TENT4B: variants seen among roughly 807,000 people sequenced by gnomAD.
The protein encoded by TENT4B is PAP associated domain containing 5.
Under a neutral mutation model 75.0 loss-of-function variants are expected in TENT4B, and 10 were observed. The ratio of observed to expected loss-of-function variants is 0.13; its 90% confidence interval spans 0.08 to 0.23. TENT4B has a LOEUF of 0.23. TENT4B is among the 10% of genes least tolerant of loss of function. The pLI is 1.00. For missense variants in TENT4B, 579 were observed against 893.8 expected (o/e 0.65, Z 4.49); for synonymous variants, 350 against 357.7 (o/e 0.98, Z 0.24).
chr16:50,225,029 TAG>T (rs758353159), intron 9 of TENT4B, 35 bp downstream of exon 9: 9 of 1,609,430 alleles, frequency 5.6e-6, no homozygotes, highest in Non-Finnish European at 7.7e-6. Context: ...GACTGAGTAT[TAG>T]AGGCTTTTCT....
intron 1 of TENT4B, among the ~76,000 whole-genome samples, chr16:50,175,193 T>C (rs2038282456): frequency 6.6e-6 from 1 of 152,208 alleles, no homozygotes. Context: ...ATAAGTCTTT[T>C]ATTAGATACG....
chr16:50,211,522 A>G, intron 2 of TENT4B, 76 bp downstream of exon 2: 5 of 1,415,226 alleles, frequency 3.5e-6, no homozygotes, highest in Non-Finnish European at 3.7e-6. Flanking sequence ...CTGGTATCTC[A>G]TGCTAGTCCT....
chr16:50,185,124 G>T (rs1232691098), intron 1 of TENT4B, among the ~76,000 whole-genome samples: 1 of 152,180 alleles, frequency 6.6e-6, no homozygotes, highest in East Asian at 1.9e-4. Context: ...CAAGCTCCAA[G>T]TTGTAGTTTG....
At chr16:50,197,689 T>G (rs193055513) in intron 1 of TENT4B, among the ~76,000 whole-genome samples, 1 of 152,288 alleles carries the variant, frequency 6.6e-6, no homozygotes. Flanking sequence ...AAAAGATTTA[T>G]GAATGGAAAG....
chr16:50,200,797 ATT>A (rs768302382), intron 1 of TENT4B, among the ~76,000 whole-genome samples: 1 of 142,894 alleles, frequency 7.0e-6, no homozygotes. Context: ...TGTGTTTTTT[ATT>A]TTTTTTTTTT....
chr16:50,212,580 G>C (rs1019125593), intron 2 of TENT4B, among the ~76,000 whole-genome samples: 1 of 152,142 alleles, frequency 6.6e-6, no homozygotes, highest in Non-Finnish European at 1.5e-5. Context: ...AAACTTGCAA[G>C]TATATGACAG....
In TENT4B at chr16:50,223,400, G is replaced by C; in HGVS notation, c.1381+13G>C. 1 of 1,573,364 alleles carries C rather than the reference G, an allele frequency of 6.4e-7. No individual in the cohort carries two copies. On this transcript the variant is annotated intron_variant, in intron 7 of 11. Transcript: ENST00000561678. Reference sequence around the variant, plus strand: ...CCTTTACAACCAGGTATTGAAATTAGGTAAATTTGTGGGCATTCAAAGAGA... The same window carrying C: ...CCTTTACAACCAGGTATTGAAATTACGTAAATTTGTGGGCATTCAAAGAGA...
intron 1 of TENT4B, among the ~76,000 whole-genome samples, chr16:50,178,717 G>T (rs2038355618): frequency 6.6e-6 from 1 of 152,138 alleles, no homozygotes; most frequent in East Asian, 1.9e-4. Flanking sequence ...GACAAATATT[G>T]CATGATTGCA....
chr16:50,179,791 T>A (rs544498005), intron 1 of TENT4B, among the ~76,000 whole-genome samples: 1 of 152,366 alleles, frequency 6.6e-6, no homozygotes, highest in South Asian at 2.1e-4. Flanking sequence ...CCAGGGTTTC[T>A]TAGCCCTAGT....
At chr16:50,185,264 C>T (rs1596685942) in intron 1 of TENT4B, among the ~76,000 whole-genome samples, 1 of 152,124 alleles carries the variant, frequency 6.6e-6, no homozygotes, top group Non-Finnish European at 1.5e-5. Flanking sequence ...ACTTGTATAT[C>T]GAGAGGAATG....
At chr16:50,201,678 AC>A in intron 1 of TENT4B, among the ~76,000 whole-genome samples, 1 of 151,998 alleles carries the variant, frequency 6.6e-6, no homozygotes, top group East Asian at 1.9e-4. Context: ...CCCCATCTCT[AC>A]CAAAAATACA....
chr16:50,180,440 G>A (rs1015973552), intron 1 of TENT4B, among the ~76,000 whole-genome samples: 8 of 152,118 alleles, frequency 5.3e-5, no homozygotes, highest in African/African-American at 1.9e-4. Flanking sequence ...AGTTGCGGTG[G>A]TTCATGCCTG....
At position 50,229,399 on chromosome 16, in the gene TENT4B, T is replaced by C; in HGVS notation, c.*71T>C. On this transcript the variant is annotated 3_prime_UTR_variant, in exon 12 of 12. Coordinates refer to ENST00000561678, the MANE Select transcript of TENT4B (RefSeq NM_001365324.3). Reference sequence around the variant, plus strand: ...CTCAGGACAGTTGCGCAGGGACTCCTGGGAGATATTCAGGAGCCTCACACT... The same window carrying C: ...CTCAGGACAGTTGCGCAGGGACTCCCGGGAGATATTCAGGAGCCTCACACT... 2 of 1,514,528 alleles carry C rather than the reference T, an allele frequency of 1.3e-6. No homozygotes were observed. Among genetic ancestry groups the C allele is most frequent in the Middle Eastern group, 2.4e-4 (1 of 4,238 alleles). The allele number at this position is 1,514,528 out of a possible 1,614,324, so 93.8% of individuals were successfully genotyped here.
intron 1 of TENT4B, among the ~76,000 whole-genome samples, chr16:50,204,794 A>C (rs1462960233): frequency 6.6e-6 from 1 of 152,198 alleles, no homozygotes; most frequent in Non-Finnish European, 1.5e-5. Context: ...TGAGTATATA[A>C]ATAATCCCAG....
intron 1 of TENT4B, among the ~76,000 whole-genome samples, chr16:50,157,747 C>G (rs2037928108): frequency 6.6e-6 from 1 of 151,924 alleles, no homozygotes; most frequent in African/African-American, 2.4e-5. Flanking sequence ...GTGTGAGCCA[C>G]TGTGCCTGGC....
chr16:50,154,613 C>T (rs1179055342), intron 1 of TENT4B, among the ~76,000 whole-genome samples: 2 of 151,884 alleles, frequency 1.3e-5, no homozygotes, highest in Admixed American at 6.6e-5. Context: ...CCGCCTCCAG[C>T]CCTCCACACC....
intron 1 of TENT4B, among the ~76,000 whole-genome samples, chr16:50,184,076 A>G (rs997646724): frequency 6.6e-6 from 1 of 152,148 alleles, no homozygotes; most frequent in Non-Finnish European, 1.5e-5. Flanking sequence ...TCCCAGCACT[A>G]GGCAACCATC....
intron 1 of TENT4B, among the ~76,000 whole-genome samples, chr16:50,201,316 C>T (rs1170791943): frequency 3.3e-5 from 5 of 151,788 alleles, no homozygotes; most frequent in Non-Finnish European, 7.4e-5. Flanking sequence ...GCAGGTGGAT[C>T]TCCTGAGGTC....
At chr16:50,160,310 T>C (rs181194656) in intron 1 of TENT4B, among the ~76,000 whole-genome samples, 40 of 152,306 alleles carry the variant, frequency 2.6e-4, no homozygotes, top group Admixed American at 6.5e-4. Flanking sequence ...TTTTTCCCCC[T>C]TCGTCTTTGT....
Sources: allele counts gnomAD v4.1 joint callset (sites outside exome capture counted in the v4.1 genomes callset), GRCh38; gene constraint gnomAD v4.1.1; transcripts MANE v1.5; gene names NCBI Gene and HGNC (gene_info 2026-07-23, HGNC 2026-07-21).